FAM168A: variants seen among roughly 807,000 people sequenced by gnomAD.
The protein encoded by FAM168A is protein FAM168A.
Under a neutral mutation model 28.5 loss-of-function variants are expected in FAM168A, and 3 were observed. The observed-to-expected ratio is 0.11, with a 90% confidence interval of 0.05 to 0.27. The LOEUF (loss-of-function observed/expected upper bound fraction) is 0.27, where lower values mean the gene tolerates loss of function less well. Ranked by LOEUF, FAM168A falls within the 10% of genes least tolerant of loss-of-function variation. The pLI is 1.00. For synonymous variants in FAM168A, 122 were observed against 124.2 expected (o/e 0.98, Z 0.12); for missense variants, 222 against 311.5 (o/e 0.71, Z 2.16).
chr11:73,550,772 G>A (rs1303098839), intron 1 of FAM168A, among the ~76,000 whole-genome samples: 1 of 152,036 alleles, frequency 6.6e-6, no homozygotes. Flanking sequence ...CTGGACAGCA[G>A]GTGAAAAGTA....
intron 1 of FAM168A, among the ~76,000 whole-genome samples, chr11:73,558,792 A>C (rs1427597283): frequency 3.9e-5 from 6 of 152,202 alleles, no homozygotes; most frequent in Non-Finnish European, 8.8e-5. Context: ...AAAAAGAAGA[A>C]GGAAATAAGT....
chr11:73,523,883 G>C (rs1319671830), intron 1 of FAM168A, among the ~76,000 whole-genome samples: 1 of 140,654 alleles, frequency 7.1e-6, no homozygotes, highest in African/African-American at 2.8e-5. Context: ...TTTTTGAAGA[G>C]AGAGCATCTC....
Position 73,567,071 on chromosome 11 carries a change from CAGG to C in FAM168A, c.-19+30849_-19+30851del, listed in dbSNP as rs527533797. ...GGGTTGGGCTGAGAAGAAGGAGTCA[CAGG>C]AGGTGACCCTGGCAGCAGATGGAAG... is the stretch of plus-strand genomic sequence containing the variant. On this transcript the variant is annotated intron_variant, in intron 1 of 7. Transcript: ENST00000356467. Among the ~76,000 whole-genome samples, 386 of 152,294 alleles carry C rather than the reference CAGG, an allele frequency of 2.5e-3. 1 individual carries two copies. The highest frequency in any genetic ancestry group is 4.9e-3 in the Non-Finnish European group (336 of 68,032).
intron 1 of FAM168A, among the ~76,000 whole-genome samples, chr11:73,569,578 C>A (rs1418602216): frequency 6.6e-6 from 1 of 152,134 alleles, no homozygotes; most frequent in Non-Finnish European, 1.5e-5. Flanking sequence ...AATCCCAGCA[C>A]TTTGGGAAGC....
chr11:73,542,767 G>T (rs553726569), intron 1 of FAM168A, among the ~76,000 whole-genome samples: 192 of 152,068 alleles, frequency 1.3e-3, no homozygotes, highest in African/African-American at 4.3e-3. Context: ...TCTCCTCCTT[G>T]CTCCATACTA....
chr11:73,439,615 A>G (rs1424862967), intron 2 of FAM168A, among the ~76,000 whole-genome samples: 1 of 152,168 alleles, frequency 6.6e-6, no homozygotes, highest in Admixed American at 6.6e-5. Context: ...AAATCTAAAA[A>G]TATCTCTGCA....
chr11:73,498,322 C>CCCCTT (rs1854935877), intron 1 of FAM168A, among the ~76,000 whole-genome samples: 1 of 152,196 alleles, frequency 6.6e-6, no homozygotes, highest in Admixed American at 6.5e-5. Context: ...AAGGGGACCC[C>CCCCTT]CCCTTCCCCC....
intron 2 of FAM168A, among the ~76,000 whole-genome samples, chr11:73,456,491 T>C (rs1250135992): frequency 6.6e-6 from 1 of 152,176 alleles, no homozygotes; most frequent in African/African-American, 2.4e-5. Context: ...TGCAGGGTGA[T>C]GACCATTCTT....
chr11:73,469,931 A>G (rs995215473), intron 1 of FAM168A, among the ~76,000 whole-genome samples: 3 of 152,046 alleles, frequency 2.0e-5, no homozygotes, highest in Non-Finnish European at 2.9e-5. Context: ...GTTTTTTTTG[A>G]GACGGAGTCT....
chr11:73,556,453 TCCTATATGATTCTA>T (rs998159805), intron 1 of FAM168A, among the ~76,000 whole-genome samples: 24 of 150,824 alleles, frequency 1.6e-4, no homozygotes, highest in Non-Finnish European at 2.7e-4. Context: ...AAAAGACAAA[TCCTATATGATTCTA>T]CCTATATGAG....
At chr11:73,550,423 G>A (rs1312553169) in intron 1 of FAM168A, among the ~76,000 whole-genome samples, 1 of 152,174 alleles carries the variant, frequency 6.6e-6, no homozygotes, top group African/African-American at 2.4e-5. Context: ...GGAGGCCCAA[G>A]GCAGGCAGAC....
chr11:73,540,325 G>A (rs12417977), intron 1 of FAM168A, among the ~76,000 whole-genome samples: 12,265 of 152,136 alleles, frequency 0.081, 583 homozygotes, highest in Admixed American at 0.11. Context: ...ACATTCTCTC[G>A]TTCAATTCTC....
intron 1 of FAM168A, among the ~76,000 whole-genome samples, chr11:73,564,722 G>A (rs969276577): frequency 1.1e-4 from 14 of 132,414 alleles, no homozygotes; most frequent in Non-Finnish European, 1.4e-4. Context: ...CAGCCTGGGC[G>A]ACACAGTGAG....
chr11:73,430,956 A>C (rs1456070732), intron 2 of FAM168A, among the ~76,000 whole-genome samples, 186 bp from the exon 3 acceptor site: 3 of 152,178 alleles, frequency 2.0e-5, no homozygotes, highest in Non-Finnish European at 1.5e-5. Flanking sequence ...GAGAAAAGTT[A>C]CCAATACCAA....
At chr11:73,590,354 G>A (rs189017483) in intron 1 of FAM168A, among the ~76,000 whole-genome samples, 10 of 152,370 alleles carry the variant, frequency 6.6e-5, no homozygotes, top group Admixed American at 4.6e-4. Context: ...AGTGAGCCAT[G>A]ACTGTGCCAC....
intron 2 of FAM168A, among the ~76,000 whole-genome samples, chr11:73,440,710 C>T (rs908615616): frequency 6.6e-6 from 1 of 151,988 alleles, no homozygotes; most frequent in Admixed American, 6.6e-5. Flanking sequence ...CTTGGGATTA[C>T]AAAGTGTTTC....
chr11:73,411,269 AG>A (rs1866605180), intron 5 of FAM168A, 124 bp downstream of exon 5: 1 of 1,080,814 alleles, frequency 9.3e-7, no homozygotes, highest in Admixed American at 2.4e-5. Flanking sequence ...TGATACAACA[AG>A]GACGGCTAGC....
chr11:73,507,246 A>G (rs746485965), intron 1 of FAM168A, among the ~76,000 whole-genome samples: 11 of 152,234 alleles, frequency 7.2e-5, no homozygotes, highest in Admixed American at 2.6e-4. Flanking sequence ...AACAGACCCA[A>G]CATCTTATTT....
At chr11:73,520,114 C>T (rs867727083) in intron 1 of FAM168A, among the ~76,000 whole-genome samples, 7 of 151,930 alleles carry the variant, frequency 4.6e-5, no homozygotes, top group African/African-American at 1.7e-4. Context: ...GGCACAATCT[C>T]GGCTCACTGC....
Sources: allele counts gnomAD v4.1 joint callset (sites outside exome capture counted in the v4.1 genomes callset), GRCh38; gene constraint gnomAD v4.1.1; transcripts MANE v1.5; gene names NCBI Gene and HGNC (gene_info 2026-07-23, HGNC 2026-07-21).